DTNA: variants seen among roughly 807,000 people sequenced by gnomAD.
DTNA encodes dystrobrevin alpha, also known as dystrophin-related protein 3.
DTNA carries 43 observed loss-of-function variants against 100.7 expected under a neutral mutation model. The ratio of observed to expected loss-of-function variants is 0.43; its 90% CI spans 0.33 to 0.55. The LOEUF is 0.55. Among genes scored for constraint, DTNA ranks in the 20% least tolerant of loss-of-function variants. The probability of loss-of-function intolerance (pLI) is 0.04; values close to 1 mark genes in which losing one functional copy is unlikely to be tolerated. For synonymous variants in DTNA, 349 were observed against 347.9 expected (o/e 1.00, Z -0.04); for missense variants, 798 against 953.9 (o/e 0.84, Z 2.15).
chr18:34,589,937 G>C (rs1386731921), intron 1 of DTNA, among the ~76,000 whole-genome samples: 1 of 123,130 alleles, frequency 8.1e-6, no homozygotes, highest in Non-Finnish European at 1.7e-5. Flanking sequence ...CAAATGGCAG[G>C]ATCTCTTTTT....
At chr18:34,741,353 C>G (rs1341615785) in intron 1 of DTNA, among the ~76,000 whole-genome samples, 2 of 152,170 alleles carry the variant, frequency 1.3e-5, no homozygotes, top group African/African-American at 4.8e-5. Flanking sequence ...AATGATTCTT[C>G]TATCATGATA....
chr18:34,512,910 A>C (rs1247737387), intron 1 of DTNA, among the ~76,000 whole-genome samples: 2 of 152,108 alleles, frequency 1.3e-5, no homozygotes, highest in African/African-American at 2.4e-5. Flanking sequence ...GTGGAATACA[A>C]ATTAGCAAAC....
Position 34,727,886 on chromosome 18 carries a change from G to A in DTNA, c.-2+17441G>A, listed in dbSNP as rs77972759. On this transcript the variant is annotated intron_variant, in intron 1 of 22. Coordinates refer to ENST00000444659, the MANE Select transcript of DTNA (RefSeq NM_001386795.1). Reference sequence around the variant, plus strand: ...AGCGCCTAAAATGTCTTATAAAAGTGTTTTGTGAAAGAGGATATGTTTTTT... The same window carrying A: ...AGCGCCTAAAATGTCTTATAAAAGTATTTTGTGAAAGAGGATATGTTTTTT... Among the ~76,000 whole-genome samples the A allele has an allele frequency of 1.6e-3, 240 of 152,132 alleles. 4 individuals are homozygous for A. The East Asian group carries it at 0.04, about 25-fold the overall frequency.
At chr18:34,713,979 G>A (rs1176672647) in intron 1 of DTNA, among the ~76,000 whole-genome samples, 4 of 151,992 alleles carry the variant, frequency 2.6e-5, no homozygotes, top group African/African-American at 9.7e-5. Context: ...CAAGCAATGG[G>A]GAAAGGATTC....
At chr18:34,854,308 G>A (rs75114779) in intron 15 of DTNA, among the ~76,000 whole-genome samples, 3,092 of 152,218 alleles carry the variant, frequency 0.02, 89 homozygotes, top group African/African-American at 0.071. Context: ...AAAATATTAC[G>A]GTTGATAACC....
chr18:34,786,160 G>T (rs1404259164), intron 3 of DTNA, among the ~76,000 whole-genome samples: 1 of 152,182 alleles, frequency 6.6e-6, no homozygotes. Context: ...GTAGGAACAA[G>T]ACAATGCTTA....
At position 34,514,307 on chromosome 18, in the gene DTNA, G is replaced by C. The variant is rs1028983170; in HGVS notation, c.-2+20793G>C. Among the ~76,000 whole-genome samples, 6 of 152,168 alleles carry C rather than the reference G, an allele frequency of 3.9e-5. No homozygotes were observed. In the East Asian group the frequency reaches 9.7e-4, roughly 24 times the overall value. On this transcript the variant is annotated intron_variant, in intron 1 of 19. Transcript: ENST00000283365. ...ATGCCTAAGAATTACCTGGTTGTTG[G>C]GGGGAGTGAAAACACAGCTTGCTGG...
At chr18:34,573,566 TTTA>T (rs1174054659) in intron 1 of DTNA, among the ~76,000 whole-genome samples, 1 of 152,212 alleles carries the variant, frequency 6.6e-6, no homozygotes, top group African/African-American at 2.4e-5. Flanking sequence ...TAGGCTCTTT[TTTA>T]TTCTTCTAAT....
rs2047960975 is a variant in DTNA, at chr18:34,574,850, A to C, written c.-2+81336A>C. ...GACATGGGTTCTTGCTGTTTTGCCC[A>C]GATCTTTCTATTTCCTGGCCTCAAT... On this transcript the variant is annotated intron_variant, in intron 1 of 19. Transcript: ENST00000283365. Among the ~76,000 whole-genome samples the C allele has an allele frequency of 2.0e-5, 3 of 152,100 alleles. 1 individual carries two copies.
chr18:34,609,575 G>T (rs1378705448), intron 1 of DTNA, among the ~76,000 whole-genome samples: 2 of 152,094 alleles, frequency 1.3e-5, no homozygotes, highest in African/African-American at 4.8e-5. Context: ...AAATTTGAAT[G>T]CTCAGTTGTA....
intron 1 of DTNA, among the ~76,000 whole-genome samples, chr18:34,582,317 A>T (rs1048198349): frequency 1.3e-5 from 2 of 152,204 alleles, no homozygotes; most frequent in Admixed American, 1.3e-4. Flanking sequence ...TACTAGAGGC[A>T]GGTTCACCTT....
intron 3 of DTNA, among the ~76,000 whole-genome samples, chr18:34,786,262 G>A (rs2094504343): frequency 6.6e-6 from 1 of 152,106 alleles, no homozygotes; most frequent in Admixed American, 6.6e-5. Flanking sequence ...CTACAAGCTA[G>A]CAAATGTATT....
chr18:34,594,049 G>GA (rs553442236), intron 1 of DTNA, among the ~76,000 whole-genome samples: 92 of 150,936 alleles, frequency 6.1e-4, no homozygotes, highest in Non-Finnish European at 1.1e-3. Flanking sequence ...AAGCAACTGA[G>GA]AAAAAAAATA....
At chr18:34,829,711 C>T (rs929979748) in intron 11 of DTNA, among the ~76,000 whole-genome samples, 9 of 152,100 alleles carry the variant, frequency 5.9e-5, no homozygotes, top group African/African-American at 2.2e-4. Context: ...AGCCTCATAC[C>T]GGTATATAAG....
At chr18:34,566,336 A>T (rs752751424) in intron 1 of DTNA, among the ~76,000 whole-genome samples, 4 of 152,178 alleles carry the variant, frequency 2.6e-5, no homozygotes, top group Non-Finnish European at 4.4e-5. Context: ...AGTAGTATGA[A>T]ACCTGCATTT....
At chr18:34,794,868 C>T (rs1273339047) in intron 4 of DTNA, among the ~76,000 whole-genome samples, 2 of 152,098 alleles carry the variant, frequency 1.3e-5, no homozygotes, top group Non-Finnish European at 2.9e-5. Flanking sequence ...AAAGGCTGTT[C>T]GTCCACATAT....
chr18:34,820,478 T>A (rs2095687635), intron 8 of DTNA, among the ~76,000 whole-genome samples: 1 of 152,156 alleles, frequency 6.6e-6, no homozygotes, highest in Non-Finnish European at 1.5e-5. Flanking sequence ...TGCTGCTTCC[T>A]CCATTCTCGA....
intron 1 of DTNA, among the ~76,000 whole-genome samples, chr18:34,531,016 G>A (rs554132515): frequency 1.3e-5 from 2 of 152,242 alleles, no homozygotes; most frequent in Admixed American, 1.3e-4. Flanking sequence ...TCATAGAATA[G>A]CTGGAACTTA....
At position 34,890,765 on chromosome 18, in the gene DTNA, G is replaced by A. The variant is rs1044516154; in HGVS notation, c.*3031G>A. 2 of 334,930 alleles carry A rather than the reference G, an allele frequency of 6.0e-6. No individual in the cohort carries two copies. The highest frequency in any genetic ancestry group is 5.0e-5 in the South Asian group (1 of 19,946). 20.7% of individuals were successfully genotyped at this position (334,930 alleles called of 1,614,324 possible). ...TCTTGAATGATCTACTATAAGGCAGGGAAGGTTCATTTGTAAGTAGTAATG... is the reference window on the plus strand; with the variant it reads ...TCTTGAATGATCTACTATAAGGCAGAGAAGGTTCATTTGTAAGTAGTAATG... On this transcript the variant is annotated 3_prime_UTR_variant, in exon 23 of 23. Coordinates refer to ENST00000444659, the MANE Select transcript of DTNA (RefSeq NM_001386795.1).
Sources: allele counts gnomAD v4.1 joint callset (sites outside exome capture counted in the v4.1 genomes callset), GRCh38; gene constraint gnomAD v4.1.1; transcripts MANE v1.5; gene names NCBI Gene and HGNC (gene_info 2026-07-23, HGNC 2026-07-21).